Variants in TRABD2B observed in about 807,000 individuals in gnomAD.
TRABD2B encodes the protein TraB domain containing 2B, also known as metalloprotease TIKI2.
In TRABD2B, 14 loss-of-function variants were observed where a neutral mutation model predicts 40.1. The observed-to-expected ratio is 0.35, with a 90% CI of 0.23 to 0.55. The LOEUF is 0.55. Among genes scored for constraint, TRABD2B ranks in the 20% least tolerant of loss-of-function variants. The pLI, the probability that TRABD2B is intolerant of heterozygous loss-of-function variation, is 0.90. For synonymous variants in TRABD2B, 263 were observed against 277.0 expected (o/e 0.95, Z 0.50); for missense variants, 541 against 648.6 (o/e 0.83, Z 1.80).
chr1:47,884,848 T>C (rs1412442484), intron 2 of TRABD2B, among the ~76,000 whole-genome samples: 1 of 152,074 alleles, frequency 6.6e-6, no homozygotes, highest in African/African-American at 2.4e-5. Context: ...ACTCCTGACC[T>C]CAGGTGATCC....
chr1:47,865,974 G>A (rs1000971577), intron 2 of TRABD2B, among the ~76,000 whole-genome samples: 4 of 152,068 alleles, frequency 2.6e-5, no homozygotes, highest in African/African-American at 7.2e-5. Flanking sequence ...TATAAAGGGA[G>A]AGACTCAGGA....
intron 2 of TRABD2B, among the ~76,000 whole-genome samples, chr1:47,914,534 G>A (rs1644804932): frequency 6.6e-6 from 1 of 152,252 alleles, no homozygotes; most frequent in Non-Finnish European, 1.5e-5. Flanking sequence ...CTGCCCAGGG[G>A]CAGTTTTAGC....
At chr1:47,995,042 G>C (rs1471905366) in intron 1 of TRABD2B, among the ~76,000 whole-genome samples, 4 of 152,188 alleles carry the variant, frequency 2.6e-5, no homozygotes, top group Non-Finnish European at 5.9e-5. Context: ...ACCTTCACCG[G>C]TGGTGTTTCA....
chr1:47,954,503 G>A (rs183398428), intron 2 of TRABD2B, among the ~76,000 whole-genome samples: 169 of 152,318 alleles, frequency 1.1e-3, no homozygotes, highest in Non-Finnish European at 1.9e-3. Context: ...CAGGTGCTAT[G>A]GAGAGGGAGG....
intron 2 of TRABD2B, among the ~76,000 whole-genome samples, chr1:47,845,675 G>A (rs1449093448): frequency 2.6e-5 from 4 of 152,164 alleles, no homozygotes; most frequent in Admixed American, 2.6e-4. Context: ...ATTATAGAGT[G>A]GGTGTTTAAA....
At chr1:47,907,268 T>C (rs1267775972) in intron 2 of TRABD2B, among the ~76,000 whole-genome samples, 2 of 152,242 alleles carry the variant, frequency 1.3e-5, no homozygotes, top group Non-Finnish European at 2.9e-5. Flanking sequence ...GCTACTAACA[T>C]GGCTTTTTAC....
At chr1:47,966,707 C>A (rs1645608431) in intron 2 of TRABD2B, among the ~76,000 whole-genome samples, 2 of 151,984 alleles carry the variant, frequency 1.3e-5, no homozygotes, top group South Asian at 2.1e-4. Flanking sequence ...GAGTTTGAGA[C>A]CACCCTGGCC....
At chr1:47,878,176 T>A (rs1441035496) in intron 2 of TRABD2B, among the ~76,000 whole-genome samples, 1 of 151,848 alleles carries the variant, frequency 6.6e-6, no homozygotes, top group African/African-American at 2.4e-5. Context: ...ATTAGCCAGG[T>A]GTGGTGGCGA....
chr1:47,871,805 C>T (rs919238443), intron 2 of TRABD2B, among the ~76,000 whole-genome samples: 1 of 152,082 alleles, frequency 6.6e-6, no homozygotes, highest in Admixed American at 6.5e-5. Flanking sequence ...TCCTCCTGGC[C>T]CCCCCAGGAA....
intron 2 of TRABD2B, among the ~76,000 whole-genome samples, chr1:47,909,323 AG>A (rs1358528847): frequency 6.6e-6 from 1 of 151,144 alleles, no homozygotes; most frequent in African/African-American, 2.5e-5. Context: ...ACTTCTGGTG[AG>A]GGCCGCAGGC....
chr1:47,819,224 G>C (rs1308621424), intron 2 of TRABD2B: 2 of 152,238 alleles, frequency 1.3e-5, no homozygotes, highest in Admixed American at 1.3e-4. Context: ...CCAAGGATGG[G>C]ACTCTCCAGC....
At chr1:47,977,252 C>T (rs1028164955) in intron 2 of TRABD2B, among the ~76,000 whole-genome samples, 3 of 151,960 alleles carry the variant, frequency 2.0e-5, no homozygotes, top group Admixed American at 2.0e-4. Context: ...TTTTTTAAAT[C>T]TGTAGTAGAT....
intron 2 of TRABD2B, among the ~76,000 whole-genome samples, chr1:47,910,477 G>C (rs1329458191): frequency 6.6e-6 from 1 of 152,138 alleles, no homozygotes; most frequent in East Asian, 1.9e-4. Flanking sequence ...AACCAACAAA[G>C]TTCTAGGATG....
intron 2 of TRABD2B, among the ~76,000 whole-genome samples, chr1:47,941,171 G>A (rs1311459007): frequency 6.6e-6 from 1 of 152,158 alleles, no homozygotes; most frequent in African/African-American, 2.4e-5. Context: ...AAGGAGAGGA[G>A]AGGGGACCTA....
chr1:47,992,090 T>C (rs1481020062), intron 2 of TRABD2B, among the ~76,000 whole-genome samples: 2 of 151,788 alleles, frequency 1.3e-5, no homozygotes, highest in Non-Finnish European at 2.9e-5. Flanking sequence ...CTAAGAGGAG[T>C]TCTGTTTTCT....
chr1:47,837,396 A>G (rs1418637527), intron 2 of TRABD2B, among the ~76,000 whole-genome samples: 3 of 152,082 alleles, frequency 2.0e-5, no homozygotes, highest in Non-Finnish European at 4.4e-5. Flanking sequence ...CTCTTAAAGG[A>G]ACCCTCACAC....
At chr1:47,955,538 C>T (rs1036987606) in intron 2 of TRABD2B, among the ~76,000 whole-genome samples, 1 of 152,232 alleles carries the variant, frequency 6.6e-6, no homozygotes, top group African/African-American at 2.4e-5. Flanking sequence ...CCTACAAGCA[C>T]TGACCATCAC....
At chr1:47,947,242 T>C (rs1645271956) in intron 2 of TRABD2B, among the ~76,000 whole-genome samples, 1 of 152,214 alleles carries the variant, frequency 6.6e-6, no homozygotes, top group Non-Finnish European at 1.5e-5. Flanking sequence ...CTAAGTGCCA[T>C]CTATTTTAAA....
chr1:47,787,018 CA>C (rs1378025607), intron 4 of TRABD2B, among the ~76,000 whole-genome samples: 1 of 152,088 alleles, frequency 6.6e-6, no homozygotes, highest in East Asian at 1.9e-4. Context: ...CTCTTGTTTC[CA>C]AGGTGAAAAA....
Sources: gnomAD v4.1 joint callset for allele counts (sites outside exome capture counted in the v4.1 genomes callset) on GRCh38, gnomAD v4.1.1 for gene constraint, MANE v1.5 for transcripts, NCBI Gene and HGNC (gene_info 2026-07-23, HGNC 2026-07-21) for gene names.